The following CDH10 variants were observed in gnomAD, a reference collection of about 807,000 sequenced individuals.
The protein encoded by CDH10 is cadherin-10.
In CDH10, 30 loss-of-function variants were observed where a neutral mutation model predicts 73.1. The observed-to-expected ratio is 0.41, with a 90% CI of 0.31 to 0.56. The LOEUF is 0.56. CDH10 is among the 20% of genes least tolerant of loss of function. The probability of loss-of-function intolerance (pLI) is 0.27; values close to 1 mark genes in which losing one functional copy is unlikely to be tolerated. For missense variants in CDH10, 815 were observed against 973.7 expected (o/e 0.84, Z 2.17); for synonymous variants, 345 against 348.2 (o/e 0.99, Z 0.10).
intron 2 of CDH10, among the ~76,000 whole-genome samples, chr5:24,569,193 T>C (rs995818017): frequency 1.3e-5 from 2 of 152,016 alleles, no homozygotes; most frequent in Admixed American, 1.3e-4. Flanking sequence ...TATGAATTAC[T>C]TAGAATAAGC....
At chr5:24,516,598 C>T (rs867033512) in intron 5 of CDH10, among the ~76,000 whole-genome samples, 4 of 151,912 alleles carry the variant, frequency 2.6e-5, no homozygotes, top group African/African-American at 9.6e-5. Context: ...GATTCAAAAA[C>T]ATTTATTTTA....
intron 2 of CDH10, among the ~76,000 whole-genome samples, chr5:24,545,823 T>TAA (rs112359328): frequency 6.6e-6 from 1 of 151,334 alleles, no homozygotes; most frequent in Non-Finnish European, 1.5e-5. Context: ...TCAAAGAAAA[T>TAA]AAAAAAAGGA....
At chr5:24,529,852 A>T (rs1743667297) in intron 5 of CDH10, among the ~76,000 whole-genome samples, 1 of 151,814 alleles carries the variant, frequency 6.6e-6, no homozygotes, top group African/African-American at 2.4e-5. Flanking sequence ...AATGTCTGTG[A>T]GTCAGTGAGT....
At chr5:24,545,235 A>T (rs1369643485) in intron 2 of CDH10, among the ~76,000 whole-genome samples, 1 of 152,194 alleles carries the variant, frequency 6.6e-6, no homozygotes, top group East Asian at 1.9e-4. Flanking sequence ...ACGTTTTTAC[A>T]CCTTATTTTT....
At chr5:24,548,405 G>A (rs112643237) in intron 2 of CDH10, among the ~76,000 whole-genome samples, 5,509 of 150,150 alleles carry the variant, frequency 0.037, 314 homozygotes, top group African/African-American at 0.13. Context: ...ACAGGCTTGA[G>A]CCACCGAGCC....
intron 2 of CDH10, among the ~76,000 whole-genome samples, chr5:24,563,010 G>A (rs183726043): frequency 2.6e-5 from 4 of 152,124 alleles, no homozygotes; most frequent in Non-Finnish European, 5.9e-5. Flanking sequence ...CATTGCTAAT[G>A]TAATATTAAT....
chr5:24,604,876 A>G (rs879944970), intron 1 of CDH10, among the ~76,000 whole-genome samples: 1 of 149,494 alleles, frequency 6.7e-6, no homozygotes, highest in East Asian at 1.9e-4. Flanking sequence ...GTCTCTAAAA[A>G]AAAAAAAAAA....
At chr5:24,501,249 C>A (rs542110304) in intron 8 of CDH10, among the ~76,000 whole-genome samples, 1 of 152,222 alleles carries the variant, frequency 6.6e-6, no homozygotes, top group African/African-American at 2.4e-5. Flanking sequence ...AAAATTCCGT[C>A]GTCAGCCCCT....
intron 1 of CDH10, among the ~76,000 whole-genome samples, chr5:24,602,479 G>A (rs1007907092): frequency 6.6e-6 from 1 of 151,996 alleles, no homozygotes; most frequent in Admixed American, 6.6e-5. Flanking sequence ...TATACCTTTT[G>A]TGTATACCCG....
At chr5:24,611,632 C>T (rs1746953395) in intron 1 of CDH10, among the ~76,000 whole-genome samples, 2 of 151,856 alleles carry the variant, frequency 1.3e-5, no homozygotes, top group South Asian at 2.1e-4. Flanking sequence ...TAAGAGGGTC[C>T]CCCACCAATG....
At chr5:24,511,290 A>G (rs2111762802) in intron 6 of CDH10, 37 bp downstream of exon 6, 1 of 1,337,262 alleles carries the variant, frequency 7.5e-7, no homozygotes, top group Non-Finnish European at 1.1e-6. Context: ...CCTACTCCTG[A>G]AACACACAGA....
At chr5:24,632,528 G>A (rs1370070541) in intron 1 of CDH10, among the ~76,000 whole-genome samples, 1 of 151,960 alleles carries the variant, frequency 6.6e-6, no homozygotes, top group African/African-American at 2.4e-5. Flanking sequence ...TGGTTTAATG[G>A]GAAGCAAAGT....
intron 5 of CDH10, among the ~76,000 whole-genome samples, chr5:24,515,129 C>G (rs1743061085): frequency 6.6e-6 from 1 of 152,042 alleles, no homozygotes; most frequent in African/African-American, 2.4e-5. Flanking sequence ...CAGATAGTAT[C>G]AAGATTGTGA....
intron 2 of CDH10, chr5:24,554,268 ATTG>A (rs1242620828): frequency 1.3e-5 from 2 of 151,864 alleles, no homozygotes; most frequent in African/African-American, 4.8e-5. Flanking sequence ...AGATAAAATT[ATTG>A]TTGTTGTGCT....
chr5:24,573,107 G>A (rs889978172), intron 2 of CDH10, among the ~76,000 whole-genome samples: 1 of 151,582 alleles, frequency 6.6e-6, no homozygotes, highest in Non-Finnish European at 1.5e-5. Context: ...ATTGATATGA[G>A]TTCATAGAAG....
chr5:24,637,565 G>C (rs1192074946), intron 1 of CDH10, among the ~76,000 whole-genome samples: 1 of 151,806 alleles, frequency 6.6e-6, no homozygotes, highest in Non-Finnish European at 1.5e-5. Context: ...TGTATCTCCA[G>C]GTGTGACAGA....
chr5:24,549,325 G>A (rs1168750175), intron 2 of CDH10, among the ~76,000 whole-genome samples: 1 of 152,008 alleles, frequency 6.6e-6, no homozygotes, highest in Non-Finnish European at 1.5e-5. Context: ...TTAAAAACTG[G>A]TGAAAGATTA....
In CDH10 at chr5:24,504,506, C is replaced by CTGTTTTTTTTTTTTTTTTTTTTTTTTTT. The variant is rs1554016940; in HGVS notation, c.1393+605_1393+606insAAAAAAAAAAAAAAAAAAAAAAAAAACA. ...TATTAAATGCTTTTCTCCTATTAAT[C>CTGTTTTTTTTTTTTTTTTTTTTTTTTTT]TTTTTTTTTTTTTTTTTTTTTTTTT... is the stretch of plus-strand genomic sequence containing the variant. On this transcript the variant is annotated intron_variant, in intron 8 of 11. Coordinates refer to ENST00000264463, the MANE Select transcript of CDH10 (RefSeq NM_006727.5). 1.5e-4 allele frequency among the ~76,000 whole-genome samples: 10 copies of CTGTTTTTTTTTTTTTTTTTTTTTTTTTT among 65,206 alleles called. 3 individuals are homozygous for CTGTTTTTTTTTTTTTTTTTTTTTTTTTT. Among genetic ancestry groups the CTGTTTTTTTTTTTTTTTTTTTTTTTTTT allele is most frequent in the Non-Finnish European group, 2.4e-4 (8 of 33,976 alleles). 42.8% of individuals were successfully genotyped at this position (65,206 alleles called of 152,430 possible).
In CDH10 at chr5:24,608,291, G is replaced by T. The variant is rs552250094; in HGVS notation, c.-123-14678C>A. Among the ~76,000 whole-genome samples, 9 of 151,068 alleles carry T rather than the reference G, an allele frequency of 6.0e-5. 1 individual carries two copies. In the South Asian group the frequency reaches 1.9e-3, roughly 32 times the overall value. On this transcript the variant is annotated intron_variant, in intron 1 of 11. Coordinates refer to ENST00000264463, the MANE Select transcript of CDH10 (RefSeq NM_006727.5). ...GGCTTAATTTATTTACATTTTGAAT[G>T]TTTTTTTTTATTATTATTTTGAGAT... is the stretch of plus-strand genomic sequence containing the variant.
Sources: allele counts gnomAD v4.1 joint callset (sites outside exome capture counted in the v4.1 genomes callset), GRCh38; gene constraint gnomAD v4.1.1; transcripts MANE v1.5; gene names NCBI Gene and HGNC (gene_info 2026-07-23, HGNC 2026-07-21).